IFT57: variants seen among roughly 807,000 people sequenced by gnomAD.
IFT57 encodes intraflagellar transport protein 57 homolog.
In IFT57, 59 loss-of-function variants were observed where a neutral mutation model predicts 56.8. That is an observed-to-expected ratio of 1.04 (90% CI 0.84 to 1.29). The LOEUF (loss-of-function observed/expected upper bound fraction) is 1.29. Ranked by LOEUF, IFT57 falls within the 50% of genes most tolerant of loss-of-function variation. The pLI is 0.00. For missense variants in IFT57, 470 were observed against 522.1 expected, an observed-to-expected ratio of 0.90 and a Z score of 0.97; for synonymous variants, 209 against 186.1, an observed-to-expected ratio of 1.12 and a Z score of -1.00.
intron 1 of IFT57, 156 bp downstream of exon 1, chr3:108,221,955 C>G: frequency 7.0e-7 from 1 of 1,426,430 alleles, no homozygotes; most frequent in Non-Finnish European, 9.3e-7. Context: ...CCACGGACCT[C>G]CCGGGAGTTT....
At chr3:108,201,156 G>T (rs62267875) in intron 5 of IFT57, among the ~76,000 whole-genome samples, 13,910 of 152,204 alleles carry the variant, frequency 0.091, 699 homozygotes, top group Middle Eastern at 0.12. Context: ...ACAGAGTCAG[G>T]AATTCATCTC....
chr3:108,183,270 A>G (rs1338223170), intron 6 of IFT57, among the ~76,000 whole-genome samples: 1 of 152,172 alleles, frequency 6.6e-6, no homozygotes, highest in Non-Finnish European at 1.5e-5. Flanking sequence ...TCAATACATG[A>G]AGTTGAGACA....
rs1318424223 is a variant in IFT57 at position 108,161,370 on chromosome 3, T to C, written c.*1107A>G. 2 of 152,064 alleles carry C rather than the reference T, an allele frequency of 1.3e-5. No homozygotes were observed. The highest frequency in any genetic ancestry group is 2.1e-4 in the South Asian group (1 of 4,830). The allele number at this position is 152,064 out of a possible 1,614,324, so 9.4% of individuals were successfully genotyped here. ...GTAAGGAAAGGGAAAGATCTGTGTA[T>C]GTGAGCATGTTGGGGAATACATCTA... On this transcript the variant is annotated 3_prime_UTR_variant, in exon 11 of 11. Coordinates refer to ENST00000264538, the MANE Select transcript of IFT57 (RefSeq NM_018010.4).
chr3:108,200,925 G>A (rs73850829), intron 5 of IFT57, among the ~76,000 whole-genome samples: 3,443 of 152,170 alleles, frequency 0.023, 128 homozygotes, highest in African/African-American at 0.078. Context: ...ACATAAGAAT[G>A]TTGAGAACTA....
chr3:108,207,202 T>C (rs1255972371), intron 4 of IFT57, among the ~76,000 whole-genome samples: 3 of 152,210 alleles, frequency 2.0e-5, no homozygotes, highest in Admixed American at 6.5e-5. Flanking sequence ...GATAAAATAA[T>C]GGTTACCAGT....
intron 1 of IFT57, among the ~76,000 whole-genome samples, chr3:108,219,914 A>C (rs2080396279): frequency 6.6e-6 from 1 of 152,244 alleles, no homozygotes; most frequent in South Asian, 2.1e-4. Flanking sequence ...TATGAATGAA[A>C]ATGGTAATCT....
At chr3:108,222,083 C>T in intron 1 of IFT57, 28 bp downstream of exon 1, 1 of 1,565,404 alleles carries the variant, frequency 6.4e-7, no homozygotes, top group South Asian at 1.2e-5. Context: ...TAGCAGGCAC[C>T]CGGGCGCTCG....
At chr3:108,205,894 A>G (rs1446054735) in intron 5 of IFT57, among the ~76,000 whole-genome samples, 1 of 132,886 alleles carries the variant, frequency 7.5e-6, no homozygotes, top group Non-Finnish European at 1.6e-5. Context: ...TATATTTATA[A>G]TACATAATTA....
chr3:108,220,641 T>C (rs915769020), intron 1 of IFT57, among the ~76,000 whole-genome samples: 2 of 152,188 alleles, frequency 1.3e-5, no homozygotes, highest in African/African-American at 4.8e-5. Context: ...CACCAATAGA[T>C]ACTGTAAACC....
At chr3:108,174,042 GTGTT>G (rs1308978955) in intron 6 of IFT57, among the ~76,000 whole-genome samples, 9 of 149,472 alleles carry the variant, frequency 6.0e-5, no homozygotes, top group African/African-American at 2.2e-4. Flanking sequence ...GTGTGTGTGT[GTGTT>G]TAAGACAGGG....
chr3:108,165,385 G>C, intron 9 of IFT57, 46 bp downstream of exon 9: 1 of 1,503,678 alleles, frequency 6.7e-7, no homozygotes. Flanking sequence ...CAATGGCTGG[G>C]GCCCAGCTGA....
chr3:108,168,779 A>C (rs991898146), intron 6 of IFT57, among the ~76,000 whole-genome samples: 1 of 152,068 alleles, frequency 6.6e-6, no homozygotes, highest in Non-Finnish European at 1.5e-5. Flanking sequence ...TCTGCTGAGA[A>C]TGATGGCTCC....
chr3:108,187,655 G>C (rs911019535), intron 6 of IFT57, among the ~76,000 whole-genome samples: 2 of 146,674 alleles, frequency 1.4e-5, no homozygotes, highest in African/African-American at 5.0e-5. Context: ...AAAAAAAAAA[G>C]TGTGAGAGAA....
intron 6 of IFT57, among the ~76,000 whole-genome samples, chr3:108,189,751 A>C (rs1347999091): frequency 6.6e-6 from 1 of 151,536 alleles, no homozygotes; most frequent in Non-Finnish European, 1.5e-5. Flanking sequence ...CACTTTGTGC[A>C]GTAGTTTTGA....
At chr3:108,204,588 A>G (rs2080299235) in intron 5 of IFT57, among the ~76,000 whole-genome samples, 1 of 152,236 alleles carries the variant, frequency 6.6e-6, no homozygotes, top group East Asian at 1.9e-4. Flanking sequence ...CTTTCCAAGA[A>G]TAACTGTGTG....
chr3:108,203,524 G>T (rs1271487866), intron 5 of IFT57, among the ~76,000 whole-genome samples: 1 of 152,106 alleles, frequency 6.6e-6, no homozygotes, highest in Non-Finnish European at 1.5e-5. Context: ...ATTTCTCCCT[G>T]CATTAGCCCA....
chr3:108,167,900 A>T (rs764693644), intron 6 of IFT57, 36 bp from the exon 7 acceptor site: 2 of 1,442,056 alleles, frequency 1.4e-6, no homozygotes, highest in Non-Finnish European at 1.9e-6. Context: ...AATGTAAAAA[A>T]TACTACATTT....
At chr3:108,208,605 C>G (rs2108325052) in intron 4 of IFT57, among the ~76,000 whole-genome samples, 1 of 152,312 alleles carries the variant, frequency 6.6e-6, no homozygotes, top group Non-Finnish European at 1.5e-5. Context: ...GCTATTACCC[C>G]TAGTAGCCCA....
chr3:108,161,615 C>G lies in IFT57; in HGVS notation c.*862G>C, dbSNP rs868190704. ...TTTCCCCAGTGCTAATTCTGGCACT[C>G]TAATGCTGCTTTTTTCACCAATTTA... On this transcript the variant is annotated 3_prime_UTR_variant, in exon 11 of 11. Coordinates refer to ENST00000264538, the MANE Select transcript of IFT57 (RefSeq NM_018010.4). 6.6e-6 allele frequency: 1 copy of G among 152,030 alleles called. No individual in the cohort carries two copies. The highest frequency in any genetic ancestry group is 2.1e-4 in the South Asian group (1 of 4,828). The allele number at this position is 152,030 out of a possible 1,614,324, so 9.4% of individuals were successfully genotyped here.
Sources: allele counts gnomAD v4.1 joint callset (sites outside exome capture counted in the v4.1 genomes callset), GRCh38; gene constraint gnomAD v4.1.1; transcripts MANE v1.5; gene names NCBI Gene and HGNC (gene_info 2026-07-23, HGNC 2026-07-21).